Variants in POMT1 observed in about 807,000 individuals in gnomAD.
POMT1 encodes the protein protein O-mannosyl-transferase 1.
In POMT1, 85 loss-of-function variants were observed where a neutral mutation model predicts 101.6. The ratio of observed to expected loss-of-function variants is 0.84; its 90% CI spans 0.70 to 1.00. The LOEUF is 1.00. Ranked by LOEUF, POMT1 falls within the 50% of genes least tolerant of loss-of-function variation. The probability of loss-of-function intolerance (pLI) is 0.00; values close to 1 mark genes in which losing one functional copy is unlikely to be tolerated. For missense variants in POMT1, 857 were observed against 930.4 expected, an observed-to-expected ratio of 0.92 and a Z score of 1.03; for synonymous variants, 371 against 383.0, an observed-to-expected ratio of 0.97 and a Z score of 0.37.
chr9:131,512,170 T>G, intron 11 of POMT1, 34 bp downstream of exon 11: 1 of 1,609,686 alleles, frequency 6.2e-7, no homozygotes, highest in African/African-American at 1.3e-5. Context: ...AGAGCAGAGC[T>G]CACCTCCTGG....
chr9:131,511,587 C>A, intron 10 of POMT1, 120 bp downstream of exon 10: 2 of 1,383,794 alleles, frequency 1.4e-6, no homozygotes, highest in Middle Eastern at 2.4e-4. Flanking sequence ...AGAAGTTGAG[C>A]AGCCCGGGTG....
At chr9:131,506,577 GCCTTATTAATCTGAGT>G in intron 4 of POMT1, 124 bp downstream of exon 4, 1 of 901,622 alleles carries the variant, frequency 1.1e-6, no homozygotes, top group Non-Finnish European at 1.8e-6. Flanking sequence ...CAGAAACTGT[GCCTTATTAATCTGAGT>G]CCAGAAAATA....
At chr9:131,504,010 C>T (rs1453016892) in intron 1 of POMT1, among the ~76,000 whole-genome samples, 179 bp from the exon 2 acceptor site, 1 of 152,232 alleles carries the variant, frequency 6.6e-6, no homozygotes, top group Admixed American at 6.5e-5. Context: ...CCCGAGTTCA[C>T]TGCTAGTGCC....
At chr9:131,508,041 G>A (rs1946245132) in intron 5 of POMT1, among the ~76,000 whole-genome samples, 1 of 151,962 alleles carries the variant, frequency 6.6e-6, no homozygotes, top group Non-Finnish European at 1.5e-5. Flanking sequence ...GACCAGCCTG[G>A]CCAACATGGT....
intron 1 of POMT1, 35 bp from the exon 2 acceptor site, chr9:131,504,154 C>A: frequency 6.2e-7 from 1 of 1,612,622 alleles, no homozygotes; most frequent in East Asian, 2.2e-5. Flanking sequence ...CTCTCGTGAG[C>A]CCTCATGGAC....
intron 16 of POMT1, 56 bp from the exon 17 acceptor site, chr9:131,520,024 C>T (rs903705814): frequency 1.8e-5 from 25 of 1,424,246 alleles, no homozygotes; most frequent in East Asian, 2.3e-5. Flanking sequence ...ACCAAATCCA[C>T]GCACAGCGGG....
chr9:131,522,285 G>A lies in POMT1; in HGVS notation c.2003+61G>A. The A allele has an allele frequency of 1.2e-6, 2 of 1,604,146 alleles. No individual in the cohort carries two copies. Among genetic ancestry groups the A allele is most frequent in the South Asian group, 2.2e-5 (2 of 90,926 alleles). ...AGCAGCCCTCTGCTGGGAAGCCCAT[G>A]CGCAGCAAACACATGGGGTGCAGCG... On this transcript the variant is annotated intron_variant, in intron 19 of 19. Transcript: ENST00000402686. The surrounding 1 kb of genome is among the most constrained non-coding windows in gnomAD (Gnocchi z 5.5).
chr9:131,509,669 A>G, intron 6 of POMT1, 74 bp from the exon 7 acceptor site: 1 of 1,613,402 alleles, frequency 6.2e-7, no homozygotes, highest in Non-Finnish European at 8.5e-7. Context: ...TCTCTGAAGA[A>G]TGTGGAGCTT....
chr9:131,512,038 C>G lies in POMT1; in HGVS notation c.987-3C>G, dbSNP rs1029247981. ...GATACATCTCTTTGTTGACTTCACA[C>G]AGATATGAGAACGGCCGAGGCAGCT... On this transcript the variant is annotated splice_region_variant and splice_polypyrimidine_tract_variant and intron_variant, in intron 10 of 19. Transcript: ENST00000402686. The G allele has an allele frequency of 1.2e-6, 2 of 1,614,100 alleles. No homozygotes were observed. The highest frequency in any genetic ancestry group is 1.7e-6 in the Non-Finnish European group (2 of 1,179,994).
In POMT1 at chr9:131,508,982, G is replaced by A. The variant is rs757875244; in HGVS notation, c.499G>A (p.Val167Met). 35 of 1,613,658 alleles carry A rather than the reference G, an allele frequency of 2.2e-5. No homozygotes were observed. The highest frequency in any genetic ancestry group is 2.5e-5 in the Non-Finnish European group (29 of 1,179,728). ...GTTAATATTTTTCAATCTATTGGCC[G>A]TGTTGTCCTACCTGAAGTTCTTCAA... ...SVLIFFNLLA[V>M]LSYLKFFNCQ... The change falls in exon 6 of 20, where the codon GTG (valine) becomes ATG (methionine). Residue 167 changes from valine to methionine, a missense_variant. Transcript: ENST00000402686.
intron 11 of POMT1, 116 bp downstream of exon 11, chr9:131,512,252 G>A (rs186175499): frequency 1.0e-4 from 157 of 1,526,664 alleles, no homozygotes; most frequent in East Asian, 2.0e-4. Flanking sequence ...TCTAGTCACC[G>A]TCATGGCCTT....
In POMT1 at chr9:131,523,172, T is replaced by C; in HGVS notation, c.*66T>C. ...TGAGGTTGAAGGGTCTTGGTCAATG[T>C]ACGTAATGAGCAGGGTGGGCCCCAC... On this transcript the variant is annotated 3_prime_UTR_variant, in exon 20 of 20. Coordinates refer to ENST00000402686, the MANE Select transcript of POMT1 (RefSeq NM_001077365.2). 6.4e-7 allele frequency: 1 copy of C among 1,564,864 alleles called. No individual in the cohort carries two copies. The highest frequency in any genetic ancestry group is 8.7e-7 in the Non-Finnish European group (1 of 1,154,406).
chr9:131,504,481 A>G, intron 2 of POMT1, 141 bp downstream of exon 2: 1 of 1,272,744 alleles, frequency 7.9e-7, no homozygotes, highest in Non-Finnish European at 1.1e-6. Flanking sequence ...AGGAGAGACC[A>G]GTCTGTCCCC....
At chr9:131,507,315 A>G (rs761126949) in intron 4 of POMT1, 53 bp from the exon 5 acceptor site, 4 of 1,612,598 alleles carry the variant, frequency 2.5e-6, no homozygotes, top group South Asian at 1.1e-5. Flanking sequence ...TGCAGTACAC[A>G]GAGATGGTGT....
In POMT1 at chr9:131,519,084, G is replaced by GTCATC. The variant is rs1429978127; in HGVS notation, c.1486+130_1486+134dup. On this transcript the variant is annotated intron_variant, in intron 15 of 19. Transcript: ENST00000402686. The surrounding 1 kb of genome is among the most constrained non-coding windows in gnomAD (Gnocchi z 4.3). ...GCACATTCTCCATGCTCGGTGGCAG[G>GTCATC]TCATCTCCCTCCCTGCACCCTGCAC... 7.0e-7 allele frequency: 1 copy of GTCATC among 1,438,156 alleles called. No individual in the cohort carries two copies. The highest frequency in any genetic ancestry group is 1.4e-5 in the African/African-American group (1 of 71,236). The allele number at this position is 1,438,156 out of a possible 1,614,324, so 89.1% of individuals were successfully genotyped here.
intron 2 of POMT1, among the ~76,000 whole-genome samples, chr9:131,504,793 T>TGTGTG (rs1945412352): frequency 5.5e-5 from 4 of 72,152 alleles, no homozygotes; most frequent in Admixed American, 1.3e-4. Flanking sequence ...GTGTGTGTGT[T>TGTGTG]TTTGAGACGG....
At chr9:131,520,994 G>T in intron 17 of POMT1, 1 of 348,036 alleles carries the variant, frequency 2.9e-6, no homozygotes, top group Non-Finnish European at 5.6e-6. Context: ...GGTGCCCACC[G>T]CAATGCCCAG....
intron 13 of POMT1, among the ~76,000 whole-genome samples, chr9:131,517,910 A>G (rs1232992154): frequency 6.6e-6 from 1 of 152,252 alleles, no homozygotes; most frequent in Non-Finnish European, 1.5e-5. Context: ...TTGTGACAGT[A>G]TGGGAAAATG....
At chr9:131,516,295 A>AGC (rs1191888478) in intron 13 of POMT1, among the ~76,000 whole-genome samples, 4 of 144,536 alleles carry the variant, frequency 2.8e-5, no homozygotes, top group South Asian at 2.2e-4. Context: ...CCTCACACGG[A>AGC]ACACTTCCTC....
Sources: gnomAD v4.1 joint callset for allele counts (sites outside exome capture counted in the v4.1 genomes callset) on GRCh38, gnomAD v4.1.1 for gene constraint, Gnocchi (gnomAD v3.1) non-coding constraint, MANE v1.5 for transcripts, NCBI Gene and HGNC (gene_info 2026-07-23, HGNC 2026-07-21) for gene names.